Variants in ATRNL1 observed in about 807,000 individuals in gnomAD.
ATRNL1 encodes the protein attractin like 1.
A neutral mutation model predicts 182.7 loss-of-function variants in ATRNL1; 95 were observed. The ratio of observed to expected loss-of-function variants is 0.52; its 90% CI spans 0.44 to 0.62. ATRNL1 has a LOEUF of 0.62. Ranked by LOEUF, ATRNL1 falls within the 20% of genes least tolerant of loss-of-function variation. ATRNL1 has a pLI of 0.00. For missense variants in ATRNL1, 1,471 were observed against 1,679.5 expected (o/e 0.88, Z 2.17); for synonymous variants, 576 against 568.3 (o/e 1.01, Z -0.19).
At chr10:115,645,931 G>A (rs985967408) in intron 26 of ATRNL1, among the ~76,000 whole-genome samples, 4 of 151,750 alleles carry the variant, frequency 2.6e-5, no homozygotes, top group East Asian at 3.9e-4. Flanking sequence ...GGCAAAATTG[G>A]TACTTGAAAC....
intron 27 of ATRNL1, among the ~76,000 whole-genome samples, chr10:115,834,515 G>C (rs985953): frequency 0.017 from 2,544 of 152,152 alleles, 75 homozygotes; most frequent in African/African-American, 0.056. Context: ...TTGTTTGCCT[G>C]TCTCTAGGCA....
chr10:115,683,725 T>A (rs533434185), intron 26 of ATRNL1, among the ~76,000 whole-genome samples: 1 of 151,880 alleles, frequency 6.6e-6, no homozygotes, highest in South Asian at 2.1e-4. Context: ...GGGCAAATAA[T>A]TAAAATCCAG....
intron 13 of ATRNL1, among the ~76,000 whole-genome samples, chr10:115,275,676 A>G (rs782143281): frequency 3.3e-5 from 5 of 152,134 alleles, no homozygotes; most frequent in Non-Finnish European, 5.9e-5. Flanking sequence ...GCATACAGAA[A>G]ACAGCAATCA....
chr10:115,741,718 T>C (rs1948144661), intron 27 of ATRNL1, among the ~76,000 whole-genome samples: 1 of 152,198 alleles, frequency 6.6e-6, no homozygotes, highest in East Asian at 1.9e-4. Context: ...ACTTTGACAA[T>C]GTAGAATATA....
intron 18 of ATRNL1, among the ~76,000 whole-genome samples, chr10:115,316,203 G>T (rs568366241): frequency 1.3e-4 from 20 of 152,232 alleles, no homozygotes; most frequent in Non-Finnish European, 2.8e-4. Context: ...GTGAGAACAT[G>T]CAGTGTTTCG....
At chr10:115,670,144 A>G (rs1396476706) in intron 26 of ATRNL1, among the ~76,000 whole-genome samples, 4 of 152,084 alleles carry the variant, frequency 2.6e-5, no homozygotes, top group African/African-American at 9.7e-5. Context: ...TAATGTCTCA[A>G]TGCCTCAGTT....
At chr10:115,550,539 C>T (rs1427928249) in intron 26 of ATRNL1, among the ~76,000 whole-genome samples, 12 of 151,834 alleles carry the variant, frequency 7.9e-5, no homozygotes, top group Admixed American at 6.6e-5. Flanking sequence ...GAGTCCCTCC[C>T]TGTCTTCAAA....
chr10:115,667,864 T>C (rs10082389), intron 26 of ATRNL1, among the ~76,000 whole-genome samples: 44,964 of 151,704 alleles, frequency 0.3, 7,646 homozygotes, highest in East Asian at 0.57. Flanking sequence ...GTGGTCTCAC[T>C]ATGTTGCCCA....
chr10:115,252,803 G>A (rs76754411), intron 10 of ATRNL1, among the ~76,000 whole-genome samples: 1,722 of 152,260 alleles, frequency 0.011, 29 homozygotes, highest in African/African-American at 0.038. Flanking sequence ...CAGTAGACAT[G>A]CAATTCTAGT....
At chr10:115,460,953 G>A (rs1554969588) in intron 21 of ATRNL1, among the ~76,000 whole-genome samples, 1 of 151,932 alleles carries the variant, frequency 6.6e-6, no homozygotes, top group African/African-American at 2.4e-5. Context: ...CTCATTATCA[G>A]ATATAAGGAT....
At chr10:115,859,171 C>G (rs1235870978) in intron 28 of ATRNL1, among the ~76,000 whole-genome samples, 1 of 152,002 alleles carries the variant, frequency 6.6e-6, no homozygotes, top group African/African-American at 2.4e-5. Context: ...CTCCAAATAC[C>G]ATTATATTAG....
At chr10:115,109,685 G>A (rs1844177450) in intron 1 of ATRNL1, among the ~76,000 whole-genome samples, 1 of 152,234 alleles carries the variant, frequency 6.6e-6, no homozygotes, top group African/African-American at 2.4e-5. Context: ...ATTCCAGTTT[G>A]CAATATCTCT....
intron 27 of ATRNL1, among the ~76,000 whole-genome samples, chr10:115,806,823 T>C (rs1555085724): frequency 2.6e-5 from 4 of 152,166 alleles, no homozygotes; most frequent in South Asian, 4.1e-4. Context: ...ATAACACTTA[T>C]AGGGTTCGTA....
At chr10:115,491,485 C>T (rs1251521702) in intron 24 of ATRNL1, among the ~76,000 whole-genome samples, 3 of 152,000 alleles carry the variant, frequency 2.0e-5, no homozygotes, top group Non-Finnish European at 4.4e-5. Flanking sequence ...GCCGCAGTAG[C>T]CTTGCTGAGC....
rs138475524 is a variant in ATRNL1 at position 115,250,598 on chromosome 10, G to T, written c.1687+8873G>T. On this transcript the variant is annotated intron_variant, in intron 10 of 28. Coordinates refer to ENST00000355044, the MANE Select transcript of ATRNL1 (RefSeq NM_207303.4). ...GGCTGAAGCAGCATTCCTAGGAGTGGAATATGCTGCCTTTAGAACACAAAG... is the reference window on the plus strand; with the variant it reads ...GGCTGAAGCAGCATTCCTAGGAGTGTAATATGCTGCCTTTAGAACACAAAG... Among the ~76,000 whole-genome samples the T allele has an allele frequency of 3.7e-3, 566 of 152,232 alleles. 3 individuals carry two copies. Among genetic ancestry groups the T allele is most frequent in the Non-Finnish European group, 5.9e-3 (399 of 68,010 alleles).
At chr10:115,341,737 G>C (rs1279735508) in intron 19 of ATRNL1, among the ~76,000 whole-genome samples, 3 of 151,832 alleles carry the variant, frequency 2.0e-5, no homozygotes, top group Non-Finnish European at 4.4e-5. Context: ...ATATCTTCTT[G>C]CTGAATTGAC....
At chr10:115,322,671 T>C (rs1030030499) in intron 18 of ATRNL1, among the ~76,000 whole-genome samples, 1 of 152,162 alleles carries the variant, frequency 6.6e-6, no homozygotes, top group Non-Finnish European at 1.5e-5. Context: ...GTATTTCTTG[T>C]ATGGCTGGCC....
At chr10:115,572,262 A>G (rs1345513036) in intron 26 of ATRNL1, among the ~76,000 whole-genome samples, 1 of 152,180 alleles carries the variant, frequency 6.6e-6, no homozygotes, top group Non-Finnish European at 1.5e-5. Flanking sequence ...AATGGATTAT[A>G]GGGGAACAAG....
At chr10:115,670,265 G>A (rs1047222343) in intron 26 of ATRNL1, among the ~76,000 whole-genome samples, 1 of 152,198 alleles carries the variant, frequency 6.6e-6, no homozygotes, top group African/African-American at 2.4e-5. Flanking sequence ...AAAAGTGGCT[G>A]TCATATAATA....
Sources: gnomAD v4.1 joint callset for allele counts (sites outside exome capture counted in the v4.1 genomes callset) on GRCh38, gnomAD v4.1.1 for gene constraint, MANE v1.5 for transcripts, NCBI Gene and HGNC (gene_info 2026-07-23, HGNC 2026-07-21) for gene names.